Variants in PINK1 observed in about 807,000 individuals in gnomAD.
PINK1 encodes the protein serine/threonine-protein kinase PINK1, mitochondrial.
A neutral mutation model predicts 56.0 loss-of-function variants in PINK1; 58 were observed. The observed-to-expected ratio is 1.04, with a 90% CI of 0.84 to 1.29. The LOEUF (loss-of-function observed/expected upper bound fraction) is 1.29. Ranked by LOEUF, PINK1 falls within the 50% of genes most tolerant of loss-of-function variation. PINK1 has a pLI of 0.00. For missense variants in PINK1, 745 were observed against 777.9 expected, an observed-to-expected ratio of 0.96 and a Z score of 0.50; for synonymous variants, 354 against 339.3, an observed-to-expected ratio of 1.04 and a Z score of -0.48.
chr1:20,639,735 A>G, intron 2 of PINK1, 157 bp from the exon 3 acceptor site: 1 of 704,360 alleles, frequency 1.4e-6, no homozygotes, highest in Non-Finnish European at 2.6e-6. Context: ...AGGAGTAACT[A>G]GTCTCAGCCT....
intron 5 of PINK1, among the ~76,000 whole-genome samples, chr1:20,646,650 AT>A (rs1370639823): frequency 4.0e-5 from 6 of 151,364 alleles, no homozygotes; most frequent in East Asian, 1.9e-4. Flanking sequence ...CTCAAAATAA[AT>A]TAATTAATTA....
At position 20,648,605 on chromosome 1, in the gene PINK1, C is replaced by A; in HGVS notation, c.1224C>A (p.Gly408=). 6.2e-7 allele frequency: 1 copy of A among 1,614,010 alleles called. No individual in the cohort carries two copies. Among genetic ancestry groups the A allele is most frequent in the Non-Finnish European group, 8.5e-7 (1 of 1,180,040 alleles). ...LPFSSWYVDR[G]GNGCLMAPEV... ...TCAGCAGCTGGTACGTGGATCGGGGCGGAAACGGCTGTCTGATGGCCCCAG... is the reference window on the plus strand; with the variant it reads ...TCAGCAGCTGGTACGTGGATCGGGGAGGAAACGGCTGTCTGATGGCCCCAG... The change falls in exon 6 of 8, where the codon GGC becomes GGA. Residue 408 remains glycine (G), a synonymous_variant. Coordinates refer to ENST00000321556, the MANE Select transcript of PINK1 (RefSeq NM_032409.3).
Position 20,648,518 on chromosome 1 carries a change from G to C in PINK1, c.1137G>C (p.Trp379Cys). The change falls in exon 6 of 8, where the codon TGG becomes TGC. Residue 379 changes from tryptophan (W) to cysteine (C), a missense_variant. Physicochemically the swap from Trp to Cys is radical, Grantham distance 215. Transcript: ENST00000321556. The part of the protein sequence containing the change: ...LVELDPDGCP[W>C]LVIADFGCCL... ...GCTCCTTCCCAGACGGCTGCCCCTG[G>C]CTGGTGATCGCAGATTTTGGCTGCT... 1 of 1,614,186 alleles carries C rather than the reference G, an allele frequency of 6.2e-7. No individual in the cohort carries two copies. The highest frequency in any genetic ancestry group is 8.5e-7 in the Non-Finnish European group (1 of 1,180,030).
intron 3 of PINK1, 130 bp from the exon 4 acceptor site, chr1:20,644,360 A>C: frequency 8.8e-7 from 1 of 1,139,024 alleles, no homozygotes; most frequent in Non-Finnish European, 1.3e-6. Context: ...CACATAGCAA[A>C]TCTATGATAA....
In PINK1 at chr1:20,633,732, G is replaced by C. The variant is rs759968468; in HGVS notation, c.184G>C (p.Gly62Arg). 50 of 1,534,422 alleles carry C rather than the reference G, an allele frequency of 3.3e-5. No homozygotes were observed. In the African/African-American group the frequency reaches 6.2e-4, roughly 19 times the overall value. The change falls in exon 1 of 8, where the codon GGG (glycine) becomes CGG (arginine). Residue 62 changes from glycine (G) to arginine (R), a missense_variant. Transcript: ENST00000321556. The stretch of plus-strand genomic sequence containing the variant: ...CGCGGAGCCTCGCAGGGTCGGGCTC[G>C]GGCTCCCTAACCGTCTCCGCTTCTT... ...PGAEPRRVGL[G>R]LPNRLRFFRQ...
intron 3 of PINK1, among the ~76,000 whole-genome samples, chr1:20,640,530 T>A (rs2053105729): frequency 6.6e-6 from 1 of 152,178 alleles, no homozygotes. Flanking sequence ...GAGGAGGGGC[T>A]GCTCAGAAAG....
At chr1:20,635,060 A>G (rs573795457) in intron 1 of PINK1, among the ~76,000 whole-genome samples, 2 of 152,270 alleles carry the variant, frequency 1.3e-5, no homozygotes, top group African/African-American at 4.8e-5. Context: ...AAGGATGGGA[A>G]ATTTGACTAA....
At chr1:20,645,965 C>T (rs911533138) in intron 5 of PINK1, among the ~76,000 whole-genome samples, 3 of 152,122 alleles carry the variant, frequency 2.0e-5, no homozygotes, top group Non-Finnish European at 4.4e-5. Context: ...GACCTCAGTG[C>T]TGCAAGTTTT....
chr1:20,647,846 G>A (rs1452549410), intron 5 of PINK1, among the ~76,000 whole-genome samples: 4 of 151,888 alleles, frequency 2.6e-5, no homozygotes, highest in Non-Finnish European at 4.4e-5. Flanking sequence ...TTCTGAGACA[G>A]AGTCTCGCTG....
At chr1:20,634,072 C>A in intron 1 of PINK1, 137 bp downstream of exon 1, 1 of 1,041,496 alleles carries the variant, frequency 9.6e-7, no homozygotes, top group South Asian at 1.5e-5. Context: ...GTCCTTAAAG[C>A]TCATCTATTT....
chr1:20,633,467 G>A lies in PINK1; in HGVS notation c.-82G>A, dbSNP rs1206986992. On this transcript the variant is annotated 5_prime_UTR_variant, in exon 1 of 8. Transcript: ENST00000321556. ...GCGCCTGCGCCTGCGCAGAGGCACC[G>A]CCCCAAGTTTGTTGTGACCGGCGGG... 9.5e-6 allele frequency: 10 copies of A among 1,054,694 alleles called. No individual in the cohort carries two copies. The highest frequency in any genetic ancestry group is 5.3e-5 in the Admixed American group (1 of 18,944). The allele number at this position is 1,054,694 out of a possible 1,614,324, so 65.3% of individuals were successfully genotyped here.
Position 20,651,401 on chromosome 1 carries a change from A to G in PINK1, c.*710A>G, listed in dbSNP as rs1233503450. ...AGGTGAGAATATTTTGTGGGCAGGT[A>G]TCAACATTGGGGAAGAGATTTCATG... On this transcript the variant is annotated 3_prime_UTR_variant, in exon 8 of 8. Coordinates refer to ENST00000321556, the MANE Select transcript of PINK1 (RefSeq NM_032409.3). 1 of 152,600 alleles carries G rather than the reference A, an allele frequency of 6.6e-6. No homozygotes were observed. The highest frequency in any genetic ancestry group is 1.5e-5 in the Non-Finnish European group (1 of 68,668). The allele number at this position is 152,600 out of a possible 1,614,324, so 9.5% of individuals were successfully genotyped here.
Position 20,633,722 on chromosome 1 carries a change from G to A in PINK1, c.174G>A (p.Arg58=). ...CAGGACCGGGCGCGGAGCCTCGCAG[G>A]GTCGGGCTCGGGCTCCCTAACCGTC... The part of the protein sequence containing the change: ...WAAGPGAEPR[R]VGLGLPNRLR... The change falls in exon 1 of 8, where the codon AGG becomes AGA. Residue 58 remains arginine (R), a synonymous_variant. Transcript: ENST00000321556. The A allele has an allele frequency of 6.5e-7, 1 of 1,530,196 alleles. No homozygotes were observed. The highest frequency in any genetic ancestry group is 8.7e-7 in the Non-Finnish European group (1 of 1,144,208). The allele number at this position is 1,530,196 out of a possible 1,614,324, so 94.8% of individuals were successfully genotyped here.
rs2053168811 is a variant in PINK1, at chr1:20,645,547, C to G, written c.960-13C>G. On this transcript the variant is annotated splice_polypyrimidine_tract_variant and intron_variant, in intron 4 of 7. Coordinates refer to ENST00000321556, the MANE Select transcript of PINK1 (RefSeq NM_032409.3). ...ATGTGTGGTAGCCAGAGGCCCTCTC[C>G]CCTCTCCGCCAGCTATCCCTGTACC... 1 of 1,613,016 alleles carries G rather than the reference C, an allele frequency of 6.2e-7. No individual in the cohort carries two copies. Among genetic ancestry groups the G allele is most frequent in the Non-Finnish European group, 8.5e-7 (1 of 1,179,902 alleles).
chr1:20,644,660 T>C lies in PINK1; in HGVS notation c.947T>C (p.Leu316Pro). 2 of 1,614,212 alleles carry C rather than the reference T, an allele frequency of 1.2e-6. No individual in the cohort carries two copies. The change falls in exon 4 of 8, where the codon CTC becomes CCC. Residue 316 changes from leucine to proline, a missense_variant. Coordinates refer to ENST00000321556, the MANE Select transcript of PINK1 (RefSeq NM_032409.3). ...EGLGHGRTLF[L>P]VMKNYPCTLR... ...CTGGGCCATGGCCGGACGCTGTTCCTCGTTATGAAGAAGTAAGTGACAGCA... is the reference window on the plus strand; with the variant it reads ...CTGGGCCATGGCCGGACGCTGTTCCCCGTTATGAAGAAGTAAGTGACAGCA...
Position 20,638,052 on chromosome 1 carries a change from GC to G in PINK1, c.599del (p.Ala200AspfsTer21), listed in dbSNP as rs1557561340. 8 of 1,614,136 alleles carry G rather than the reference GC, an allele frequency of 5.0e-6. 1 individual carries two copies. In the South Asian group the frequency reaches 8.8e-5, roughly 18 times the overall value. ...LLPGRGPGTS[A>X]PGEGQERAPG... is the part of the protein sequence containing the mutation. Reference sequence around the variant, plus strand: ...TCCAGGGAGAGGCCCAGGTACCAGTGCACCAGGAGAAGGGCAGGAGCGAGCT... The same window carrying G: ...TCCAGGGAGAGGCCCAGGTACCAGTGACCAGGAGAAGGGCAGGAGCGAGCT... On this transcript the variant is annotated frameshift_variant, in exon 2 of 8. Transcript: ENST00000321556. LOFTEE classifies it high-confidence loss of function.
chr1:20,645,611 C>A lies in PINK1; in HGVS notation c.1011C>A (p.Arg337=). 6.2e-7 allele frequency: 1 copy of A among 1,614,174 alleles called. No individual in the cohort carries two copies. The highest frequency in any genetic ancestry group is 8.5e-7 in the Non-Finnish European group (1 of 1,180,042). The change falls in exon 5 of 8, where the codon CGC becomes CGA. Residue 337 remains arginine, a synonymous_variant. Coordinates refer to ENST00000321556, the MANE Select transcript of PINK1 (RefSeq NM_032409.3). ...TTTGTGTGAACACACCCAGCCCCCG[C>A]CTCGCCGCCATGATGCTGCTGCAGC... ...QYLCVNTPSP[R]LAAMMLLQLL...
chr1:20,639,481 A>C (rs2053092062), intron 2 of PINK1: 2 of 305,150 alleles, frequency 6.6e-6, no homozygotes, highest in Non-Finnish European at 6.6e-6. Flanking sequence ...GATTCAGTAC[A>C]ACTTCACCCA....
Position 20,638,128 on chromosome 1 carries a change from C to T in PINK1, c.674C>T (p.Ser225Leu), listed in dbSNP as rs770984783. 14 of 1,610,584 alleles carry T rather than the reference C, an allele frequency of 8.7e-6. No homozygotes were observed. The highest frequency in any genetic ancestry group is 1.1e-5 in the Non-Finnish European group (13 of 1,179,936). The change falls in exon 2 of 8, where the codon TCG (serine) becomes TTG (leucine). Residue 225 changes from serine to leucine, a missense_variant and splice_region_variant. By Grantham distance (145) the Ser-to-Leu change is moderately radical. Coordinates refer to ENST00000321556, the MANE Select transcript of PINK1 (RefSeq NM_032409.3). ...GCCATCAAGATGATGTGGAACATCTCGGTAAGCACCAGGCCTTTCATCTTT... is the reference window on the plus strand; with the variant it reads ...GCCATCAAGATGATGTGGAACATCTTGGTAAGCACCAGGCCTTTCATCTTT... ...PLAIKMMWNI[S>L]AGSSSEAILN... is the part of the protein sequence containing the mutation.
Sources: gnomAD v4.1 joint callset for allele counts (sites outside exome capture counted in the v4.1 genomes callset) on GRCh38, gnomAD v4.1.1 for gene constraint, MANE v1.5 for transcripts, NCBI Gene and HGNC (gene_info 2026-07-23, HGNC 2026-07-21) for gene names.